EFCAB13: variants seen among roughly 807,000 people sequenced by gnomAD.
EFCAB13 encodes EF-hand calcium-binding domain-containing protein 13.
Under a neutral mutation model 110.2 loss-of-function variants are expected in EFCAB13, and 91 were observed. The ratio of observed to expected loss-of-function variants is 0.83; its 90% CI spans 0.70 to 0.98. The LOEUF is 0.98. EFCAB13 is among the 50% of genes least tolerant of loss of function. The probability of loss-of-function intolerance (pLI) is 0.00; values close to 1 mark genes in which losing one functional copy is unlikely to be tolerated. For missense variants in EFCAB13, 968 were observed against 1,119.4 expected (o/e 0.86, Z 1.93); for synonymous variants, 323 against 369.9 (o/e 0.87, Z 1.45).
chr17:47,404,611 C>G lies in EFCAB13; in HGVS notation c.2211C>G (p.Thr737=), dbSNP rs1464841511. Residue 737 remains threonine, a synonymous_variant, in exon 20 of 25, where the codon ACC becomes ACG. Coordinates refer to ENST00000331493, the MANE Select transcript of EFCAB13 (RefSeq NM_152347.5). ...ACTGTATGAGGGCTTTGAGGGACAC[C>G]CAGAAATTTTCCAATTATATTGGTA... ...IKDCMRALRD[T]QKFSNYIDFR... The G allele has an allele frequency of 8.7e-6, 14 of 1,611,630 alleles. No individual in the cohort carries two copies. The East Asian group carries it at 3.1e-4, about 36-fold the overall frequency.
intron 9 of EFCAB13, among the ~76,000 whole-genome samples, chr17:47,352,931 A>G (rs934169295): frequency 3.9e-5 from 6 of 152,190 alleles, no homozygotes; most frequent in African/African-American, 1.4e-4. Context: ...GATTTTATCT[A>G]CTTAAACATT....
intron 24 of EFCAB13, among the ~76,000 whole-genome samples, chr17:47,436,354 ATTC>A (rs780244092): frequency 3.9e-5 from 6 of 152,068 alleles, no homozygotes; most frequent in Non-Finnish European, 5.9e-5. Flanking sequence ...GTTGGTACCA[ATTC>A]TTCTTTGAAT....
chr17:47,439,523 T>G (rs1038634752), intron 24 of EFCAB13, among the ~76,000 whole-genome samples: 1 of 152,140 alleles, frequency 6.6e-6, no homozygotes, highest in Non-Finnish European at 1.5e-5. Flanking sequence ...GCGCTGGTCC[T>G]AAATTTTTAT....
chr17:47,368,730 T>C (rs1191583832), intron 10 of EFCAB13, among the ~76,000 whole-genome samples: 1 of 152,220 alleles, frequency 6.6e-6, no homozygotes, highest in Non-Finnish European at 1.5e-5. Flanking sequence ...TGGAAAAATT[T>C]GTCTTTTCCA....
intron 14 of EFCAB13, among the ~76,000 whole-genome samples, chr17:47,385,942 G>A (rs560122028): frequency 6.6e-6 from 1 of 152,104 alleles, no homozygotes; most frequent in African/African-American, 2.4e-5. Flanking sequence ...TATGTGCCTG[G>A]GTATTACTAG....
intron 4 of EFCAB13, among the ~76,000 whole-genome samples, chr17:47,330,252 A>T (rs548717036): frequency 1.5e-4 from 22 of 151,614 alleles, no homozygotes; most frequent in African/African-American, 5.1e-4. Context: ...CTTTTTTTTT[A>T]AATATAGGCT....
chr17:47,336,287 C>T (rs984061934), intron 5 of EFCAB13, among the ~76,000 whole-genome samples: 2 of 136,270 alleles, frequency 1.5e-5, no homozygotes, highest in African/African-American at 5.9e-5. Context: ...CCGTCACACT[C>T]GGCTATTTTT....
intron 13 of EFCAB13, among the ~76,000 whole-genome samples, chr17:47,378,406 G>C (rs1324630628): frequency 6.6e-6 from 1 of 152,144 alleles, no homozygotes; most frequent in African/African-American, 2.4e-5. Flanking sequence ...TTTCTAGGAA[G>C]GGTTTTTATA....
intron 5 of EFCAB13, among the ~76,000 whole-genome samples, chr17:47,337,138 T>C (rs963143815): frequency 6.6e-5 from 10 of 152,154 alleles, no homozygotes; most frequent in African/African-American, 1.9e-4. Context: ...ACAATAAAAC[T>C]TGTTACCTAG....
intron 17 of EFCAB13, among the ~76,000 whole-genome samples, chr17:47,401,555 T>C (rs535467956): frequency 2.6e-5 from 4 of 152,124 alleles, no homozygotes; most frequent in African/African-American, 4.8e-5. Context: ...CTTAATTTTG[T>C]CTAGGAATAT....
At chr17:47,347,650 A>G (rs75830800) in intron 8 of EFCAB13, among the ~76,000 whole-genome samples, 158 bp from the exon 9 acceptor site, 3,243 of 152,286 alleles carry the variant, frequency 0.021, 108 homozygotes, top group East Asian at 0.18. Context: ...TGAATATTAA[A>G]AGATTGAAGA....
chr17:47,424,595 G>GA (rs1329081559), intron 23 of EFCAB13, among the ~76,000 whole-genome samples: 1 of 152,040 alleles, frequency 6.6e-6, no homozygotes, highest in Admixed American at 6.5e-5. Flanking sequence ...AAAATTCACG[G>GA]AGGGCTTCTC....
At chr17:47,347,382 A>C (rs1366227051) in intron 8 of EFCAB13, among the ~76,000 whole-genome samples, 1 of 152,146 alleles carries the variant, frequency 6.6e-6, no homozygotes, top group East Asian at 1.9e-4. Flanking sequence ...CATTTTTTTG[A>C]GAATTTCTTA....
chr17:47,366,127 T>C (rs1476949616), intron 10 of EFCAB13, among the ~76,000 whole-genome samples: 1 of 152,120 alleles, frequency 6.6e-6, no homozygotes, highest in Non-Finnish European at 1.5e-5. Context: ...GATAGGTAGA[T>C]AATATGTTCA....
Position 47,374,780 on chromosome 17 carries a change from G to T in EFCAB13, c.1186G>T (p.Glu396Ter). Residue 396 changes from glutamate to a stop codon, truncating the protein, a stop_gained, in exon 12 of 25, where the codon GAG (glutamate) becomes TAG (stop). Coordinates refer to ENST00000331493, the MANE Select transcript of EFCAB13 (RefSeq NM_152347.5). LOFTEE classifies it high-confidence loss of function. The part of the protein sequence containing the change: ...KNGINFKKHS[E>*]KGEIHDSKSK... ...TGGCATAAACTTTAAAAAACATTCAGAGAAGGGTGAAATTCATGACTCAAA... is the reference window on the plus strand; with the variant it reads ...TGGCATAAACTTTAAAAAACATTCATAGAAGGGTGAAATTCATGACTCAAA... 1 of 1,614,018 alleles carries T rather than the reference G, an allele frequency of 6.2e-7. No individual in the cohort carries two copies. The highest frequency in any genetic ancestry group is 1.1e-5 in the South Asian group (1 of 91,076).
chr17:47,424,062 G>T (rs1421594902), intron 23 of EFCAB13, among the ~76,000 whole-genome samples: 1 of 152,186 alleles, frequency 6.6e-6, no homozygotes, highest in African/African-American at 2.4e-5. Flanking sequence ...CGCGCTCGGG[G>T]TCCCCTTCAT....
intron 10 of EFCAB13, among the ~76,000 whole-genome samples, chr17:47,367,209 CAA>C (rs1159042535): frequency 6.6e-5 from 10 of 152,182 alleles, no homozygotes; most frequent in Admixed American, 5.2e-4. Context: ...AATTTAGCAC[CAA>C]TTTTGTCTAG....
chr17:47,379,137 CA>C, intron 13 of EFCAB13, 44 bp from the exon 14 acceptor site: 1 of 1,485,234 alleles, frequency 6.7e-7, no homozygotes, highest in Non-Finnish European at 9.3e-7. Context: ...TGCCTTTATG[CA>C]AAAATACACC....
At chr17:47,365,264 G>T (rs553150857) in intron 10 of EFCAB13, among the ~76,000 whole-genome samples, 1 of 152,284 alleles carries the variant, frequency 6.6e-6, no homozygotes, top group African/African-American at 2.4e-5. Context: ...TTGAATGAAT[G>T]AATAATTCTG....
Sources: gnomAD v4.1 joint callset for allele counts (sites outside exome capture counted in the v4.1 genomes callset) on GRCh38, gnomAD v4.1.1 for gene constraint, MANE v1.5 for transcripts, NCBI Gene and HGNC (gene_info 2026-07-23, HGNC 2026-07-21) for gene names.